The following TCF4 variants were observed in gnomAD, a reference collection of about 807,000 sequenced individuals.
TCF4 encodes the protein SL3-3 enhancer factor 2.
TCF4 carries 3 observed loss-of-function variants against 82.1 expected under a neutral mutation model. That is an observed-to-expected ratio of 0.04 (90% confidence interval 0.02 to 0.09). The LOEUF is 0.09. Ranked by LOEUF, TCF4 falls within the 10% of genes least tolerant of loss-of-function variation. TCF4 has a pLI of 1.00. For synonymous variants in TCF4, 276 were observed against 309.6 expected (o/e 0.89, Z 1.14); for missense variants, 518 against 852.7 (o/e 0.61, Z 4.89).
intron 2 of TCF4, among the ~76,000 whole-genome samples, chr18:55,625,284 G>A (rs1359657186): frequency 2.0e-5 from 3 of 151,004 alleles, no homozygotes; most frequent in Non-Finnish European, 4.4e-5. Context: ...TGTCGCCCAG[G>A]CTGGAGTGCA....
intron 17 of TCF4, chr18:55,230,567 C>T (rs2047647222): frequency 6.6e-6 from 1 of 152,108 alleles, no homozygotes; most frequent in Non-Finnish European, 1.5e-5. Context: ...CAGTAGACTC[C>T]CCATCACAAG....
Position 55,351,081 on chromosome 18 carries a change from T to C in TCF4, c.370-78A>G, listed in dbSNP as rs920092147. 5.1e-6 allele frequency: 8 copies of C among 1,576,704 alleles called. No individual in the cohort carries two copies. In the African/African-American group the frequency reaches 1.1e-4, roughly 21 times the overall value. ...CCACCTCCCAACTGATTGTTAGTAC[T>C]TAAACCAATGCAATAAAGCAAACAG... On this transcript the variant is annotated intron_variant, in intron 6 of 19. Transcript: ENST00000354452.
chr18:55,427,664 C>G (rs1440805710), intron 5 of TCF4, among the ~76,000 whole-genome samples: 3 of 152,174 alleles, frequency 2.0e-5, no homozygotes, highest in Admixed American at 6.5e-5. Context: ...ACACTGAACG[C>G]CCTCAACATT....
intron 3 of TCF4, among the ~76,000 whole-genome samples, chr18:55,578,011 C>T (rs989298923): frequency 2.6e-5 from 4 of 152,088 alleles, no homozygotes; most frequent in African/African-American, 9.7e-5. Flanking sequence ...TGGATTTTGA[C>T]GTCATCCGTT....
At chr18:55,510,524 T>A (rs2096815064) in intron 3 of TCF4, 1 of 1,327,216 alleles carries the variant, frequency 7.5e-7, no homozygotes, top group African/African-American at 1.5e-5. Context: ...AGTCGATAGA[T>A]CAAACATTTT....
chr18:55,473,687 A>G (rs2096233950), intron 3 of TCF4, among the ~76,000 whole-genome samples: 1 of 152,200 alleles, frequency 6.6e-6, no homozygotes, highest in Admixed American at 6.5e-5. Context: ...CTTAGGCTCA[A>G]ATGTGCAAAC....
intron 15 of TCF4, among the ~76,000 whole-genome samples, chr18:55,241,456 C>T (rs2144959916): frequency 6.6e-6 from 1 of 152,320 alleles, no homozygotes; most frequent in East Asian, 1.9e-4. Flanking sequence ...ACATATCTAG[C>T]ACAGAGAATA....
intron 3 of TCF4, among the ~76,000 whole-genome samples, chr18:55,511,317 T>A (rs2096825519): frequency 9.0e-6 from 1 of 111,184 alleles, no homozygotes. Context: ...GGTAATAGAG[T>A]AATTCCAAAA....
intron 2 of TCF4, among the ~76,000 whole-genome samples, chr18:55,601,460 A>C (rs1200086672): frequency 1.4e-5 from 1 of 69,186 alleles, no homozygotes; most frequent in Admixed American, 2.0e-4. Flanking sequence ...TACATTCCAT[A>C]ACTGAGAAAA....
chr18:55,225,158 G>A lies in TCF4; in HGVS notation c.*2877C>T, dbSNP rs2046431822. On this transcript the variant is annotated 3_prime_UTR_variant, in exon 20 of 20. Transcript: ENST00000354452. ...ATGTTTCTCCACCAAGCAAAACCTA[G>A]CGAGCAGCTTTCAGTGGCCGTTAGA... 6.6e-6 allele frequency: 1 copy of A among 152,294 alleles called. No homozygotes were observed. 9.4% of individuals were successfully genotyped at this position (152,294 alleles called of 1,614,324 possible).
At chr18:55,617,884 C>T (rs1486770259) in intron 2 of TCF4, among the ~76,000 whole-genome samples, 3 of 147,522 alleles carry the variant, frequency 2.0e-5, no homozygotes, top group Non-Finnish European at 4.5e-5. Flanking sequence ...AAGATCATAT[C>T]ATCTGAAACC....
chr18:55,576,672 C>G (rs2097530740), intron 3 of TCF4, among the ~76,000 whole-genome samples: 1 of 152,080 alleles, frequency 6.6e-6, no homozygotes, highest in Non-Finnish European at 1.5e-5. Flanking sequence ...TTTCCATGAA[C>G]CCTTCATTAT....
chr18:55,510,666 C>A, intron 3 of TCF4: 5 of 1,486,320 alleles, frequency 3.4e-6, no homozygotes, highest in Non-Finnish European at 4.5e-6. Flanking sequence ...ACTTCGTAAA[C>A]TTTTAAAGTT....
At chr18:55,393,359 G>C (rs994186522) in intron 6 of TCF4, among the ~76,000 whole-genome samples, 9 of 152,050 alleles carry the variant, frequency 5.9e-5, no homozygotes, top group Admixed American at 5.9e-4. Context: ...GTGAGATCTC[G>C]TATCTATTAT....
chr18:55,619,221 G>A (rs2097715329), intron 2 of TCF4, among the ~76,000 whole-genome samples: 1 of 151,916 alleles, frequency 6.6e-6, no homozygotes, highest in South Asian at 2.1e-4. Flanking sequence ...TATATACAGG[G>A]GTGTTCAGAT....
chr18:55,352,780 G>A (rs56782530), intron 6 of TCF4, among the ~76,000 whole-genome samples: 4,679 of 152,146 alleles, frequency 0.031, 97 homozygotes, highest in Non-Finnish European at 0.035. Flanking sequence ...GCATTCAAAA[G>A]TTTTTGAATC....
Position 55,254,596 on chromosome 18 carries a change from G to A in TCF4, c.1251C>T (p.Asp417=), listed in dbSNP as rs769451884. The change falls in exon 15 of 20, where the codon GAC becomes GAT. Residue 417 remains aspartate (D), a synonymous_variant. Coordinates refer to ENST00000354452, the MANE Select transcript of TCF4 (RefSeq NM_001083962.2). ...PSTAMPGGHG[D]MHGIIGPSHN... ...GAGAAGGTCCAATGATTCCATGCAT[G>A]TCCCCATGACCACCAGGCATAGCTG... 11 of 1,613,698 alleles carry A rather than the reference G, an allele frequency of 6.8e-6. No homozygotes were observed. In the Admixed American group the frequency reaches 8.3e-5, roughly 12 times the overall value.
In TCF4 at chr18:55,234,616, G is replaced by C. The variant is rs1214980882; in HGVS notation, c.1418C>G (p.Pro473Arg). 6.2e-7 allele frequency: 1 copy of C among 1,614,116 alleles called. No individual in the cohort carries two copies. The highest frequency in any genetic ancestry group is 1.3e-5 in the African/African-American group (1 of 75,024). ...GSHSLLPNQV[P>R]VPQLPVQSAT... The stretch of plus-strand genomic sequence containing the variant: ...AGACTGGACAGGAAGCTGTGGAACC[G>C]GAACCTGGTTTGGCAGAAGAGAATG... The change falls in exon 16 of 20, where the codon CCG becomes CGG. Residue 473 changes from proline to arginine, a missense_variant. Coordinates refer to ENST00000354452, the MANE Select transcript of TCF4 (RefSeq NM_001083962.2).
chr18:55,624,441 G>A (rs1340466416), intron 2 of TCF4, among the ~76,000 whole-genome samples: 1 of 152,060 alleles, frequency 6.6e-6, no homozygotes, highest in Non-Finnish European at 1.5e-5. Context: ...GGAAGAGTAG[G>A]AACATCTGGG....
Sources: gnomAD v4.1 joint callset for allele counts (sites outside exome capture counted in the v4.1 genomes callset) on GRCh38, gnomAD v4.1.1 for gene constraint, MANE v1.5 for transcripts, NCBI Gene and HGNC (gene_info 2026-07-23, HGNC 2026-07-21) for gene names.